The following TBL1XR1 variants were observed in gnomAD, a reference collection of about 807,000 sequenced individuals.
TBL1XR1 encodes the protein TBL1X/Y related 1.
TBL1XR1 carries 5 observed loss-of-function variants against 66.9 expected under a neutral mutation model. The observed-to-expected ratio is 0.07, with a 90% CI of 0.04 to 0.16. The LOEUF (loss-of-function observed/expected upper bound fraction) is 0.16, where lower values mean the gene tolerates loss of function less well. TBL1XR1 is among the 10% of genes least tolerant of loss of function. The probability of loss-of-function intolerance (pLI) is 1.00; values close to 1 mark genes in which losing one functional copy is unlikely to be tolerated. For missense variants in TBL1XR1, 238 were observed against 623.2 expected, an observed-to-expected ratio of 0.38 and a Z score of 6.58; for synonymous variants, 210 against 206.0, an observed-to-expected ratio of 1.02 and a Z score of -0.17.
chr3:177,128,737 T>G (rs1254190061), intron 1 of TBL1XR1, among the ~76,000 whole-genome samples: 1 of 152,188 alleles, frequency 6.6e-6, no homozygotes, highest in African/African-American at 2.4e-5. Context: ...TTGGGGAAAT[T>G]TCTTGGGGCA....
chr3:177,159,154 G>GT (rs1731868581), intron 1 of TBL1XR1, among the ~76,000 whole-genome samples: 1 of 150,930 alleles, frequency 6.6e-6, no homozygotes, highest in African/African-American at 2.4e-5. Context: ...TTCTCAATGG[G>GT]TAAAAAAAAA....
intron 2 of TBL1XR1, among the ~76,000 whole-genome samples, chr3:177,088,641 T>C (rs1302938912): frequency 6.6e-6 from 1 of 151,630 alleles, no homozygotes; most frequent in Non-Finnish European, 1.5e-5. Flanking sequence ...CAGCCTCTAA[T>C]GACAAAGATA....
At chr3:177,090,528 A>AAAG (rs1162892071) in intron 2 of TBL1XR1, among the ~76,000 whole-genome samples, 1 of 151,262 alleles carries the variant, frequency 6.6e-6, no homozygotes, top group East Asian at 1.9e-4. Context: ...AAAAAAAAAA[A>AAAG]AAAAAAAAAA....
At chr3:177,106,991 C>T (rs527494065) in intron 1 of TBL1XR1, among the ~76,000 whole-genome samples, 5 of 152,118 alleles carry the variant, frequency 3.3e-5, no homozygotes, top group Non-Finnish European at 7.3e-5. Flanking sequence ...GTCATCCTGA[C>T]TAGCATAACC....
At chr3:177,196,011 T>C (rs189119820) in intron 1 of TBL1XR1, among the ~76,000 whole-genome samples, 10 of 152,158 alleles carry the variant, frequency 6.6e-5, no homozygotes, top group South Asian at 4.1e-4. Context: ...GACACTTAGA[T>C]AACCTAACAA....
chr3:177,036,129 G>T (rs552185005), intron 12 of TBL1XR1, among the ~76,000 whole-genome samples: 8 of 152,294 alleles, frequency 5.3e-5, no homozygotes, highest in African/African-American at 1.9e-4. Flanking sequence ...ATCTATTACT[G>T]AAGTTACTTC....
At position 177,118,892 on chromosome 3, in the gene TBL1XR1, A is replaced by G. The variant is rs1007854836; in HGVS notation, c.-121-20351T>C. ...TGCCTGCAAACCAGACAGCAACTCCACATAATAACTCAAGAAAAATGGGAC... is the reference window on the plus strand; with the variant it reads ...TGCCTGCAAACCAGACAGCAACTCCGCATAATAACTCAAGAAAAATGGGAC... On this transcript the variant is annotated intron_variant, in intron 1 of 15. Transcript: ENST00000457928. Among the ~76,000 whole-genome samples the G allele has an allele frequency of 8.5e-5, 13 of 152,332 alleles. No homozygotes were observed. In the East Asian group the frequency reaches 1.9e-3, roughly 23 times the overall value.
At chr3:177,090,810 G>A (rs529259706) in intron 2 of TBL1XR1, among the ~76,000 whole-genome samples, 34 of 151,814 alleles carry the variant, frequency 2.2e-4, no homozygotes, top group African/African-American at 7.2e-4. Context: ...ACTCCGTCTC[G>A]AAATAAAATA....
chr3:177,075,326 CCT>C (rs1165910363), intron 2 of TBL1XR1, among the ~76,000 whole-genome samples: 1 of 152,164 alleles, frequency 6.6e-6, no homozygotes, highest in Non-Finnish European at 1.5e-5. Context: ...TCCAAATTTC[CCT>C]CTTTTTATAA....
At chr3:177,047,679 T>C (rs1316910158) in intron 7 of TBL1XR1, 130 bp from the exon 8 acceptor site, 4 of 1,063,702 alleles carry the variant, frequency 3.8e-6, no homozygotes, top group Non-Finnish European at 5.5e-6. Context: ...ACTTGTCAGT[T>C]TTGCCTACTT....
upstream of TBL1XR1, among the ~76,000 whole-genome samples, chr3:177,198,865 G>GACACACACACAC (rs57636923): frequency 1.3e-5 from 2 of 148,180 alleles, no homozygotes; most frequent in South Asian, 2.2e-4. Flanking sequence ...GAAGTTTTGC[G>GACACACACACAC]ACACACACAC....
At chr3:177,185,315 T>C (rs926862402) in intron 1 of TBL1XR1, among the ~76,000 whole-genome samples, 3 of 152,026 alleles carry the variant, frequency 2.0e-5, no homozygotes, top group African/African-American at 4.8e-5. Context: ...TAAGTTAAAA[T>C]AGCAGCCAAC....
chr3:177,070,703 C>G (rs114174163), intron 2 of TBL1XR1, among the ~76,000 whole-genome samples: 11,515 of 152,044 alleles, frequency 0.076, 527 homozygotes, highest in Admixed American at 0.15. Context: ...CAAAAATTAG[C>G]CAGCATGAGG....
intron 1 of TBL1XR1, among the ~76,000 whole-genome samples, chr3:177,177,722 A>C (rs910622988): frequency 6.6e-6 from 1 of 152,216 alleles, no homozygotes; most frequent in Non-Finnish European, 1.5e-5. Context: ...ATTTAAGACT[A>C]CCAGCTAATC....
intron 12 of TBL1XR1, among the ~76,000 whole-genome samples, chr3:177,036,344 T>A (rs1264416132): frequency 2.0e-5 from 3 of 152,236 alleles, no homozygotes; most frequent in African/African-American, 4.8e-5. Context: ...TCCATTCGCA[T>A]GACTCAGCGT....
In TBL1XR1 at chr3:177,131,188, T is replaced by C. The variant is rs1164824618; in HGVS notation, c.-121-32647A>G. On this transcript the variant is annotated intron_variant, in intron 1 of 15. Coordinates refer to ENST00000457928, the MANE Select transcript of TBL1XR1 (RefSeq NM_024665.7). Reference sequence around the variant, plus strand: ...TTCTTCAGCAAATCGGGAATCCATGTCAAGCGTAGGAGACACTTCAAAGAG... The same window carrying C: ...TTCTTCAGCAAATCGGGAATCCATGCCAAGCGTAGGAGACACTTCAAAGAG... 2.6e-5 allele frequency among the ~76,000 whole-genome samples: 4 copies of C among 152,228 alleles called. No homozygotes were observed. In the East Asian group the frequency reaches 7.7e-4, roughly 29 times the overall value.
chr3:177,098,023 A>G (rs1402958400), intron 2 of TBL1XR1, among the ~76,000 whole-genome samples: 2 of 152,262 alleles, frequency 1.3e-5, no homozygotes, highest in African/African-American at 4.8e-5. Context: ...CCTGGCCAAC[A>G]TGGTGAAATC....
chr3:177,034,351 A>T lies in TBL1XR1; in HGVS notation c.1123-26T>A, dbSNP rs1714458114. The T allele has an allele frequency of 2.7e-6, 4 of 1,465,960 alleles. No individual in the cohort carries two copies. The African/African-American group carries it at 5.8e-5, about 21-fold the overall frequency. The allele number at this position is 1,465,960 out of a possible 1,614,324, so 90.8% of individuals were successfully genotyped here. ...CTAAACAAAAAAGAAAAATGTATACAATTATTTTTCCATACAATGAGTATA... is the reference window on the plus strand; with the variant it reads ...CTAAACAAAAAAGAAAAATGTATACTATTATTTTTCCATACAATGAGTATA... On this transcript the variant is annotated intron_variant, in intron 12 of 15. Coordinates refer to ENST00000457928, the MANE Select transcript of TBL1XR1 (RefSeq NM_024665.7).
At chr3:177,070,713 G>A (rs957975586) in intron 2 of TBL1XR1, among the ~76,000 whole-genome samples, 3 of 152,054 alleles carry the variant, frequency 2.0e-5, no homozygotes, top group African/African-American at 7.2e-5. Flanking sequence ...CCAGCATGAG[G>A]CAGGTGCCTG....
Sources: gnomAD v4.1 joint callset for allele counts (sites outside exome capture counted in the v4.1 genomes callset) on GRCh38, gnomAD v4.1.1 for gene constraint, MANE v1.5 for transcripts, NCBI Gene and HGNC (gene_info 2026-07-23, HGNC 2026-07-21) for gene names.